Variants in CACNA1C observed in about 807,000 individuals in gnomAD.
The protein encoded by CACNA1C is voltage-dependent L-type calcium channel subunit alpha-1C.
CACNA1C carries 30 observed loss-of-function variants against 229.0 expected under a neutral mutation model. The observed-to-expected ratio is 0.13, with a 90% confidence interval of 0.10 to 0.18. The LOEUF (loss-of-function observed/expected upper bound fraction) is 0.18, where lower values mean the gene tolerates loss of function less well. CACNA1C is among the 10% of genes least tolerant of loss of function. CACNA1C has a pLI of 1.00. For missense variants in CACNA1C, 1,658 were observed against 2,845.0 expected, an observed-to-expected ratio of 0.58 and a Z score of 9.49; for synonymous variants, 1,114 against 1,132.5, an observed-to-expected ratio of 0.98 and a Z score of 0.33.
At chr12:2,498,534 T>C (rs746174934) in intron 7 of CACNA1C, among the ~76,000 whole-genome samples, 3 of 152,262 alleles carry the variant, frequency 2.0e-5, no homozygotes, top group African/African-American at 7.2e-5. Context: ...AGCAAACATT[T>C]ATTGAGCATT....
chr12:2,063,870 G>C (rs960674395), intron 1 of CACNA1C, among the ~76,000 whole-genome samples: 5 of 152,150 alleles, frequency 3.3e-5, no homozygotes, highest in African/African-American at 1.2e-4. Flanking sequence ...GTATCTATTT[G>C]AATCCATTTT....
At chr12:2,311,077 C>T (rs1027015239) in intron 3 of CACNA1C, among the ~76,000 whole-genome samples, 7 of 152,302 alleles carry the variant, frequency 4.6e-5, no homozygotes, top group South Asian at 2.1e-4. Context: ...CCTCTCTGCC[C>T]GGAATCCACA....
At chr12:2,316,419 T>G (rs148414411) in intron 3 of CACNA1C, among the ~76,000 whole-genome samples, 6 of 152,200 alleles carry the variant, frequency 3.9e-5, no homozygotes, top group African/African-American at 1.4e-4. Flanking sequence ...CTTTTTGTTA[T>G]TGGAGAAAAC....
At chr12:2,280,189 C>CTTCGGTT (rs1163759178) in intron 3 of CACNA1C, among the ~76,000 whole-genome samples, 193 of 132,034 alleles carry the variant, frequency 1.5e-3, no homozygotes, top group African/African-American at 5.7e-3. Context: ...CTTTGCTGTG[C>CTTCGGTT]TTCGGTTTAA....
intron 3 of CACNA1C, among the ~76,000 whole-genome samples, chr12:2,425,281 G>C (rs997946249): frequency 1.3e-5 from 2 of 152,186 alleles, no homozygotes; most frequent in African/African-American, 4.8e-5. Context: ...CAAAAATAGG[G>C]AATATAAAAT....
At chr12:2,378,452 C>T (rs987564190) in intron 3 of CACNA1C, among the ~76,000 whole-genome samples, 2 of 152,196 alleles carry the variant, frequency 1.3e-5, no homozygotes, top group African/African-American at 4.8e-5. Flanking sequence ...GTCTTCATTA[C>T]CCATGATTCC....
At chr12:2,023,793 T>C (rs2046866479) in intron 1 of CACNA1C, among the ~76,000 whole-genome samples, 1 of 151,990 alleles carries the variant, frequency 6.6e-6, no homozygotes, top group Non-Finnish European at 1.5e-5. Flanking sequence ...AAAGGACAGA[T>C]GTAACATGGA....
intron 3 of CACNA1C, among the ~76,000 whole-genome samples, chr12:2,326,330 A>C (rs1316493438): frequency 6.6e-6 from 1 of 152,224 alleles, no homozygotes; most frequent in East Asian, 1.9e-4. Context: ...ACATTTTGAA[A>C]ACTTAATGCA....
At position 2,493,012 on chromosome 12, in the gene CACNA1C, T is replaced by C. The variant is rs1158000536; in HGVS notation, c.917-178T>C. Among the ~76,000 whole-genome samples, 1 of 152,248 alleles carries C rather than the reference T, an allele frequency of 6.6e-6. No individual in the cohort carries two copies. Among genetic ancestry groups the C allele is most frequent in the Non-Finnish European group, 1.5e-5 (1 of 68,050 alleles). ...AGCCTAAATGGAAAGCCTACTTTCT[T>C]GTGTTGCTTAATTCACATCTGGGGA... is the stretch of plus-strand genomic sequence containing the variant. On this transcript the variant is annotated intron_variant, in intron 6 of 46. Transcript: ENST00000399655. The surrounding 1 kb of genome is among the most constrained non-coding windows in gnomAD (Gnocchi z 4.6).
intron 3 of CACNA1C, among the ~76,000 whole-genome samples, chr12:2,415,618 T>G (rs1462880116): frequency 6.6e-6 from 1 of 151,980 alleles, no homozygotes; most frequent in Non-Finnish European, 1.5e-5. Flanking sequence ...CTCCTCTGAG[T>G]TGGTCAAGCA....
rs149100883 is a variant in CACNA1C, at chr12:2,088,494, T to C, written c.50-26730T>C. Among the ~76,000 whole-genome samples the C allele has an allele frequency of 7.9e-5, 12 of 152,326 alleles. No homozygotes were observed. In the East Asian group the frequency reaches 2.3e-3, roughly 29 times the overall value. On this transcript the variant is annotated intron_variant, in intron 1 of 46. Coordinates refer to ENST00000399655, the MANE Select transcript of CACNA1C (RefSeq NM_000719.7). Reference sequence around the variant, plus strand: ...TGCCTCAGTGTTCTCATCTGTGAAGTGGGCGTCATAATAATGCCTACCTTA... The same window carrying C: ...TGCCTCAGTGTTCTCATCTGTGAAGCGGGCGTCATAATAATGCCTACCTTA...
At chr12:2,025,316 C>T (rs1424704364) in intron 1 of CACNA1C, among the ~76,000 whole-genome samples, 1 of 152,304 alleles carries the variant, frequency 6.6e-6, no homozygotes, top group Admixed American at 6.5e-5. Flanking sequence ...GGTGGTGTCT[C>T]AGCACAGCTG....
chr12:2,567,251 T>C (rs998628522), intron 12 of CACNA1C, among the ~76,000 whole-genome samples: 5 of 152,176 alleles, frequency 3.3e-5, no homozygotes, highest in Non-Finnish European at 5.9e-5. Context: ...ACTCACCTCT[T>C]TGAACCTCCT....
intron 3 of CACNA1C, among the ~76,000 whole-genome samples, chr12:2,280,058 G>T (rs542272349): frequency 6.6e-6 from 1 of 152,186 alleles, no homozygotes; most frequent in African/African-American, 2.4e-5. Flanking sequence ...AGATAGATGG[G>T]TCTTGCTCTT....
chr12:2,322,509 C>T (rs562536515), intron 3 of CACNA1C, among the ~76,000 whole-genome samples: 63 of 152,332 alleles, frequency 4.1e-4, no homozygotes, highest in Non-Finnish European at 7.8e-4. Context: ...GATCTGCAGG[C>T]TCAGAACAGC....
rs117426474 is a variant in CACNA1C at position 2,550,434 on chromosome 12, C to T, written c.1481+401C>T. The T allele has an allele frequency of 4.8e-4, 446 of 922,584 alleles. 4 individuals carry two copies. The East Asian group carries it at 0.02, about 41-fold the overall frequency. The allele number at this position is 922,584 out of a possible 1,614,324, so 57.1% of individuals were successfully genotyped here. The stretch of plus-strand genomic sequence containing the variant: ...TTAGGGCCCTGAGTCCTGCTGGCCA[C>T]CCTTTCCATTCTGATAAATGTGACC... On this transcript the variant is annotated intron_variant, in intron 10 of 46. Transcript: ENST00000399655.
chr12:2,433,222 A>T (rs2099103091), intron 3 of CACNA1C, among the ~76,000 whole-genome samples: 1 of 152,210 alleles, frequency 6.6e-6, no homozygotes, highest in Non-Finnish European at 1.5e-5. Context: ...TGAGCAGCAG[A>T]GATGAAAGGC....
rs2098697687 is a variant in CACNA1C, at chr12:2,403,077, G to A, written c.478-45899G>A. Among the ~76,000 whole-genome samples the A allele has an allele frequency of 6.6e-6, 1 of 152,220 alleles. No individual in the cohort carries two copies. On this transcript the variant is annotated intron_variant, in intron 3 of 46. Transcript: ENST00000399655. The surrounding 1 kb of genome is among the most constrained non-coding windows in gnomAD (Gnocchi z 4.1). ...TGGGGCAGGGCAGAGGGACTTGTGT[G>A]TGTAGGCAGCAGCACACAGATACGG...
At chr12:2,003,216 C>T (rs1474833701) in intron 1 of CACNA1C, among the ~76,000 whole-genome samples, 3 of 152,044 alleles carry the variant, frequency 2.0e-5, no homozygotes, top group Non-Finnish European at 4.4e-5. Flanking sequence ...AACTATACTG[C>T]AGATAAGTAG....
Sources: allele counts gnomAD v4.1 joint callset (sites outside exome capture counted in the v4.1 genomes callset), GRCh38; gene constraint gnomAD v4.1.1; non-coding constraint Gnocchi (gnomAD v3.1); transcripts MANE v1.5; gene names NCBI Gene and HGNC (gene_info 2026-07-23, HGNC 2026-07-21).